The following HDAC4 variants were observed in gnomAD, a reference collection of about 807,000 sequenced individuals.
The protein encoded by HDAC4 is histone deacetylase 4.
HDAC4 carries 16 observed loss-of-function variants against 135.1 expected under a neutral mutation model. That is an observed-to-expected ratio of 0.12 (90% CI 0.08 to 0.18). HDAC4 has a LOEUF of 0.18. HDAC4 is among the 10% of genes least tolerant of loss of function. The probability of loss-of-function intolerance (pLI) is 1.00; values close to 1 mark genes in which losing one functional copy is unlikely to be tolerated. For synonymous variants in HDAC4, 685 were observed against 653.4 expected (o/e 1.05, Z -0.74); for missense variants, 1,143 against 1,511.8 (o/e 0.76, Z 4.05).
At chr2:239,205,085 C>G (rs1347075075) in intron 3 of HDAC4, among the ~76,000 whole-genome samples, 1 of 152,228 alleles carries the variant, frequency 6.6e-6, no homozygotes, top group East Asian at 1.9e-4. Context: ...CTGGTCTCCC[C>G]ACCCCACGTG....
At chr2:239,236,486 A>G in intron 3 of HDAC4, 107 bp downstream of exon 3, 1 of 866,588 alleles carries the variant, frequency 1.2e-6, no homozygotes, top group Admixed American at 2.1e-5. Flanking sequence ...GATACCCCAC[A>G]CCTCCCCCCT....
In HDAC4 at chr2:239,303,076, G is replaced by A. The variant is rs899375892; in HGVS notation, c.22+49602C>T. On this transcript the variant is annotated intron_variant, in intron 2 of 26. Transcript: ENST00000543185. The surrounding 1 kb of genome is among the most constrained non-coding windows in gnomAD (Gnocchi z 5.1). The stretch of plus-strand genomic sequence containing the variant: ...GGGTGGGAGAGGTCATCACCTCCGC[G>A]TACTGAACAGAAGCCCAGCTCAGGG... Among the ~76,000 whole-genome samples the A allele has an allele frequency of 3.5e-4, 53 of 152,156 alleles. No homozygotes were observed. The highest frequency in any genetic ancestry group is 1.1e-3 in the African/African-American group (44 of 41,446).
chr2:239,374,322 CCGACAATGATGA>C (rs1337564934), intron 1 of HDAC4, among the ~76,000 whole-genome samples: 1 of 148,982 alleles, frequency 6.7e-6, no homozygotes, highest in Non-Finnish European at 1.5e-5. Context: ...GACAATGATG[CCGACAATGATGA>C]CGAGGGTGAC....
intron 2 of HDAC4, among the ~76,000 whole-genome samples, chr2:239,316,630 G>A (rs1351690526): frequency 6.6e-6 from 1 of 152,098 alleles, no homozygotes; most frequent in Admixed American, 6.5e-5. Flanking sequence ...ATTGCAGAGT[G>A]TATGGCTGTC....
intron 3 of HDAC4, among the ~76,000 whole-genome samples, chr2:239,220,025 C>G (rs769938345): frequency 1.3e-5 from 2 of 152,226 alleles, no homozygotes; most frequent in Admixed American, 6.5e-5. Flanking sequence ...CCTCGAACCT[C>G]TTATCATTAA....
At chr2:239,334,521 A>AAAAC (rs58269065) in intron 2 of HDAC4, among the ~76,000 whole-genome samples, 100,306 of 150,622 alleles carry the variant, frequency 0.67, 33,744 homozygotes, top group East Asian at 0.82. Flanking sequence ...ACTCCATCTC[A>AAAAC]AAACAAACAA....
At chr2:239,242,988 G>A (rs1450806971) in intron 2 of HDAC4, among the ~76,000 whole-genome samples, 2 of 152,060 alleles carry the variant, frequency 1.3e-5, no homozygotes, top group East Asian at 1.9e-4. Flanking sequence ...AGGCCCAGGG[G>A]GTTTTTGGGA....
At chr2:239,088,624 C>CGT (rs143757054) in intron 18 of HDAC4, among the ~76,000 whole-genome samples, 59 of 151,782 alleles carry the variant, frequency 3.9e-4, no homozygotes, top group African/African-American at 1.2e-3. Context: ...AGCACCAGGG[C>CGT]GTGTGTGTGT....
intron 2 of HDAC4, among the ~76,000 whole-genome samples, chr2:239,250,986 T>C (rs1197048448): frequency 6.6e-6 from 1 of 152,140 alleles, no homozygotes; most frequent in Non-Finnish European, 1.5e-5. Flanking sequence ...CTGCATCAAC[T>C]TACCGGTGCA....
chr2:239,362,037 A>G (rs763679488), intron 1 of HDAC4, among the ~76,000 whole-genome samples: 154 of 152,212 alleles, frequency 1.0e-3, no homozygotes, highest in Non-Finnish European at 7.8e-4. Context: ...ATAATAGACG[A>G]ATGTGGACAT....
intron 9 of HDAC4, among the ~76,000 whole-genome samples, chr2:239,138,348 G>A (rs1465116503): frequency 6.6e-6 from 1 of 152,196 alleles, no homozygotes; most frequent in South Asian, 2.1e-4. Flanking sequence ...ATACATAAAC[G>A]GTCTTGAAAT....
intron 12 of HDAC4, among the ~76,000 whole-genome samples, chr2:239,125,850 C>T (rs544772892): frequency 2.2e-4 from 33 of 152,332 alleles, no homozygotes; most frequent in African/African-American, 4.8e-4. Context: ...GTGGGCTGGC[C>T]GGGGCCCAGA....
intron 21 of HDAC4, among the ~76,000 whole-genome samples, 164 bp downstream of exon 21, chr2:239,081,938 T>C (rs1346345341): frequency 6.6e-6 from 1 of 152,222 alleles, no homozygotes; most frequent in African/African-American, 2.4e-5. Context: ...GCACACGCGA[T>C]ACGATGCAGG....
intron 3 of HDAC4, among the ~76,000 whole-genome samples, chr2:239,194,073 T>C (rs1351457688): frequency 1.3e-5 from 2 of 152,064 alleles, no homozygotes; most frequent in African/African-American, 4.8e-5. Context: ...AAATGGAAAA[T>C]GATCACAAGG....
chr2:239,316,252 G>C (rs1320747187), intron 2 of HDAC4, among the ~76,000 whole-genome samples: 1 of 152,124 alleles, frequency 6.6e-6, no homozygotes, highest in East Asian at 1.9e-4. Context: ...CTAATAAAAT[G>C]ATATAATCTA....
At position 239,309,690 on chromosome 2, in the gene HDAC4, C is replaced by T. The variant is rs1277625958; in HGVS notation, c.22+42988G>A. Among the ~76,000 whole-genome samples the T allele has an allele frequency of 2.6e-5, 4 of 152,228 alleles. No individual in the cohort carries two copies. The highest frequency in any genetic ancestry group is 2.1e-4 in the South Asian group (1 of 4,834). On this transcript the variant is annotated intron_variant, in intron 2 of 26. Transcript: ENST00000543185. The surrounding 1 kb of genome is among the most constrained non-coding windows in gnomAD (Gnocchi z 4.2). ...AGGGCCTCCACCGCAGGCAGAGCTC[C>T]GCCAGCAAGTATCCTGGGAGCTGGG...
At chr2:239,393,865 C>G (rs1189747170) in intron 1 of HDAC4, among the ~76,000 whole-genome samples, 1 of 152,226 alleles carries the variant, frequency 6.6e-6, no homozygotes, top group Non-Finnish European at 1.5e-5. Flanking sequence ...TGAGTCTCAT[C>G]TCATGTAAAA....
intron 24 of HDAC4, among the ~76,000 whole-genome samples, chr2:239,061,457 C>T (rs931924369): frequency 1.4e-5 from 2 of 147,290 alleles, no homozygotes; most frequent in Non-Finnish European, 3.0e-5. Flanking sequence ...TGTGGGTGTG[C>T]GTATGTGTGG....
rs1383899227 is a variant in HDAC4, at chr2:239,313,489, C to T, written c.22+39189G>A. On this transcript the variant is annotated intron_variant, in intron 2 of 26. Transcript: ENST00000543185. The surrounding 1 kb of genome is among the most constrained non-coding windows in gnomAD (Gnocchi z 5.1). ...TGGCCATCCCACCGAGCACTGATAC[C>T]GCAGGCTGGACTCTTCCTAACCTCA... 7.2e-5 allele frequency among the ~76,000 whole-genome samples: 11 copies of T among 152,052 alleles called. No individual in the cohort carries two copies. Among genetic ancestry groups the T allele is most frequent in the African/African-American group, 1.7e-4 (7 of 41,388 alleles).
Sources: gnomAD v4.1 joint callset for allele counts (sites outside exome capture counted in the v4.1 genomes callset) on GRCh38, gnomAD v4.1.1 for gene constraint, Gnocchi (gnomAD v3.1) non-coding constraint, MANE v1.5 for transcripts, NCBI Gene and HGNC (gene_info 2026-07-23, HGNC 2026-07-21) for gene names.